Variants in CNTN5 observed in about 807,000 individuals in gnomAD.
CNTN5 encodes contactin 5.
In CNTN5, 77 loss-of-function variants were observed where a neutral mutation model predicts 129.1. The ratio of observed to expected loss-of-function variants is 0.60; its 90% CI spans 0.50 to 0.72. The LOEUF (loss-of-function observed/expected upper bound fraction) is 0.72. Ranked by LOEUF, CNTN5 falls within the 30% of genes least tolerant of loss-of-function variation. The probability of loss-of-function intolerance (pLI) is 0.00; values close to 1 mark genes in which losing one functional copy is unlikely to be tolerated. For missense variants in CNTN5, 1,478 were observed against 1,328.8 expected (o/e 1.11, Z -1.75); for synonymous variants, 509 against 465.6 (o/e 1.09, Z -1.20).
intron 3 of CNTN5, among the ~76,000 whole-genome samples, chr11:99,727,080 G>A (rs1036326690): frequency 2.0e-5 from 3 of 151,218 alleles, no homozygotes; most frequent in Non-Finnish European, 4.4e-5. Context: ...GCCGAGGCTG[G>A]TGGATCATGA....
At chr11:99,596,425 G>A (rs1950127524) in intron 3 of CNTN5, among the ~76,000 whole-genome samples, 1 of 152,030 alleles carries the variant, frequency 6.6e-6, no homozygotes, top group Non-Finnish European at 1.5e-5. Flanking sequence ...ACTACCAAGG[G>A]CTACTATCTC....
Position 100,191,242 on chromosome 11 carries a change from T to TATC in CNTN5, c.1698_1700dup (p.Ser567dup). ...GGTTCTGCTGAAATTATAGCTTCGC[T>TATC]ATCTGTAAAAGGTAAGACAGCACGG... On this transcript the variant is annotated inframe_insertion, in exon 14 of 25. Coordinates refer to ENST00000524871, the MANE Select transcript of CNTN5 (RefSeq NM_014361.4). 1.9e-6 allele frequency: 3 copies of TATC among 1,612,510 alleles called. No homozygotes were observed. The highest frequency in any genetic ancestry group is 2.5e-6 in the Non-Finnish European group (3 of 1,179,060).
chr11:99,076,044 T>A (rs1329690738), intron 1 of CNTN5, among the ~76,000 whole-genome samples: 2 of 152,132 alleles, frequency 1.3e-5, no homozygotes, highest in Admixed American at 6.6e-5. Flanking sequence ...CGAACTACTT[T>A]ACTTTTGGGC....
intron 1 of CNTN5, among the ~76,000 whole-genome samples, chr11:99,030,820 G>A (rs1181981032): frequency 3.0e-5 from 4 of 132,378 alleles, no homozygotes; most frequent in East Asian, 2.3e-4. Flanking sequence ...TCGCTCTGTC[G>A]CCCAGGCTGG....
chr11:99,825,476 ATACT>A lies in CNTN5; in HGVS notation c.277+5714_277+5717del, dbSNP rs754770238. Among the ~76,000 whole-genome samples, 291 of 152,170 alleles carry A rather than the reference ATACT, an allele frequency of 1.9e-3. 1 individual carries two copies. The highest frequency in any genetic ancestry group is 3.8e-3 in the Admixed American group (58 of 15,292). On this transcript the variant is annotated intron_variant, in intron 4 of 24. Coordinates refer to ENST00000524871, the MANE Select transcript of CNTN5 (RefSeq NM_014361.4). ...TTCACAAAAATATGTTTAAAAATCA[ATACT>A]TAATTATATTTTCTGTAACATCACT...
chr11:99,999,684 G>A (rs1939725514), intron 8 of CNTN5, among the ~76,000 whole-genome samples: 3 of 152,058 alleles, frequency 2.0e-5, no homozygotes, highest in Admixed American at 6.6e-5. Context: ...TATAAATCAT[G>A]CTGCTGTAAA....
intron 1 of CNTN5, among the ~76,000 whole-genome samples, chr11:99,228,952 TCC>T (rs879879376): frequency 0.017 from 2,640 of 152,146 alleles, 42 homozygotes; most frequent in African/African-American, 0.038. Flanking sequence ...TTATATTTTA[TCC>T]TTGCTTGTAT....
chr11:99,290,975 G>T (rs1864148889), intron 1 of CNTN5, among the ~76,000 whole-genome samples: 1 of 151,772 alleles, frequency 6.6e-6, no homozygotes, highest in Non-Finnish European at 1.5e-5. Flanking sequence ...TGATGTGTTA[G>T]AATACATTAA....
chr11:99,781,225 A>C (rs1237704363), intron 3 of CNTN5, among the ~76,000 whole-genome samples: 4 of 152,052 alleles, frequency 2.6e-5, no homozygotes, highest in Admixed American at 1.3e-4. Flanking sequence ...GTGTCCTTTC[A>C]TTGTTGCAGT....
chr11:99,339,622 A>T (rs983615910), intron 2 of CNTN5, among the ~76,000 whole-genome samples: 4 of 152,072 alleles, frequency 2.6e-5, no homozygotes, highest in African/African-American at 9.7e-5. Context: ...TACTAAAAAA[A>T]TACAAAAAAA....
chr11:99,179,522 C>G (rs1166060406), intron 1 of CNTN5, among the ~76,000 whole-genome samples: 1 of 151,970 alleles, frequency 6.6e-6, no homozygotes, highest in Non-Finnish European at 1.5e-5. Context: ...CTAGTTTTAC[C>G]TAGTTCATAT....
chr11:99,882,075 C>G (rs1439250594), intron 6 of CNTN5, among the ~76,000 whole-genome samples: 2 of 152,162 alleles, frequency 1.3e-5, no homozygotes, highest in African/African-American at 4.8e-5. Context: ...ACAAAGCCAT[C>G]TCAGCCTATT....
chr11:99,214,170 A>G (rs1859989770), intron 1 of CNTN5, among the ~76,000 whole-genome samples: 1 of 151,878 alleles, frequency 6.6e-6, no homozygotes, highest in Non-Finnish European at 1.5e-5. Flanking sequence ...ATTTATCCAA[A>G]CTCTAAAACT....
At chr11:99,342,782 C>G (rs1191914081) in intron 2 of CNTN5, among the ~76,000 whole-genome samples, 1 of 151,546 alleles carries the variant, frequency 6.6e-6, no homozygotes, top group Non-Finnish European at 1.5e-5. Flanking sequence ...TGCCCAAATT[C>G]AAGTGTTATT....
intron 6 of CNTN5, among the ~76,000 whole-genome samples, chr11:99,908,936 G>A (rs1169539875): frequency 1.3e-5 from 2 of 152,030 alleles, no homozygotes; most frequent in Non-Finnish European, 2.9e-5. Context: ...AAAATGGCAA[G>A]CCATAGCAAG....
Position 99,978,144 on chromosome 11 carries a change from CA to C in CNTN5, c.877+21139del, listed in dbSNP as rs774521750. On this transcript the variant is annotated intron_variant, in intron 8 of 24. Coordinates refer to ENST00000524871, the MANE Select transcript of CNTN5 (RefSeq NM_014361.4). ...GTCTTTATTTTTAACAAAAGAATTG[CA>C]AAAGATAATAAAAATTTTAAAGATA... is the stretch of plus-strand genomic sequence containing the variant. Among the ~76,000 whole-genome samples, 5 of 151,226 alleles carry C rather than the reference CA, an allele frequency of 3.3e-5. No individual in the cohort carries two copies. The East Asian group carries it at 9.7e-4, about 29-fold the overall frequency.
intron 6 of CNTN5, among the ~76,000 whole-genome samples, chr11:99,908,274 TAACTG>T (rs1949564066): frequency 6.6e-6 from 1 of 151,982 alleles, no homozygotes; most frequent in Non-Finnish European, 1.5e-5. Flanking sequence ...TATTATGAAA[TAACTG>T]AAGAGGGTAG....
chr11:99,880,765 A>T (rs920201420), intron 6 of CNTN5, among the ~76,000 whole-genome samples: 1 of 152,222 alleles, frequency 6.6e-6, no homozygotes, highest in South Asian at 2.1e-4. Flanking sequence ...GGATATTATT[A>T]TACAACAGTA....
intron 13 of CNTN5, among the ~76,000 whole-genome samples, chr11:100,169,359 GC>G (rs1158425008): frequency 6.6e-6 from 1 of 151,812 alleles, no homozygotes; most frequent in Non-Finnish European, 1.5e-5. Context: ...TTAAGTAATT[GC>G]CACCAGTTAC....
Sources: allele counts gnomAD v4.1 joint callset (sites outside exome capture counted in the v4.1 genomes callset), GRCh38; gene constraint gnomAD v4.1.1; transcripts MANE v1.5; gene names NCBI Gene and HGNC (gene_info 2026-07-23, HGNC 2026-07-21).